UGT1A4: variants seen among roughly 807,000 people sequenced by gnomAD.
The protein encoded by UGT1A4 is UDP-glucuronosyltransferase 1A4.
A neutral mutation model predicts 41.1 loss-of-function variants in UGT1A4; 32 were observed. The observed-to-expected ratio is 0.78, with a 90% confidence interval of 0.59 to 1.05. UGT1A4 has a LOEUF of 1.05. Ranked by LOEUF, UGT1A4 falls within the 50% of genes least tolerant of loss-of-function variation. The probability of loss-of-function intolerance (pLI) is 0.00; values close to 1 mark genes in which losing one functional copy is unlikely to be tolerated. For synonymous variants in UGT1A4, 283 were observed against 265.1 expected (o/e 1.07, Z -0.66); for missense variants, 748 against 677.4 (o/e 1.10, Z -1.16).
chr2:233,747,780 C>A, intron 1 of UGT1A4: 1 of 1,613,502 alleles, frequency 6.2e-7, no homozygotes, highest in South Asian at 1.1e-5. Flanking sequence ...GTGTCCAAAT[C>A]CTTCCTCCTA....
At chr2:233,747,961 G>A (rs529720964) in intron 1 of UGT1A4, 1 of 1,613,428 alleles carries the variant, frequency 6.2e-7, no homozygotes, top group South Asian at 1.1e-5. Context: ...GATCTTCTCA[G>A]CCATGCATCT....
Position 233,746,118 on chromosome 2 carries a change from A to C in UGT1A4, c.868-20916A>C, listed in dbSNP as rs544937305. On this transcript the variant is annotated intron_variant, in intron 1 of 4. Transcript: ENST00000373409. ...CATGTCCAGAGTGCTTACTGTCTGC[A>C]AAACTGTGGACTGGCACCTGAGTGA... 3.3e-4 allele frequency among the ~76,000 whole-genome samples: 50 copies of C among 151,986 alleles called. 2 individuals carry two copies. Among genetic ancestry groups the C allele is most frequent in the African/African-American group, 1.1e-3 (46 of 41,248 alleles).
At chr2:233,742,690 G>A (rs1692069965) in intron 1 of UGT1A4, 1 of 152,442 alleles carries the variant, frequency 6.6e-6, no homozygotes, top group African/African-American at 2.4e-5. Flanking sequence ...CCTTCAGAGG[G>A]AACATGCTTC....
chr2:233,758,001 G>A (rs1372978564), intron 1 of UGT1A4, among the ~76,000 whole-genome samples: 1 of 152,062 alleles, frequency 6.6e-6, no homozygotes, highest in Non-Finnish European at 1.5e-5. Context: ...TAATTGCCTG[G>A]TCATGAGTTT....
chr2:233,730,367 A>T (rs2078022058), intron 1 of UGT1A4, among the ~76,000 whole-genome samples: 1 of 152,122 alleles, frequency 6.6e-6, no homozygotes, highest in Admixed American at 6.5e-5. Context: ...TGCTAGCATG[A>T]TTTTCAGGGG....
chr2:233,756,036 T>G (rs1696097976), intron 1 of UGT1A4: 1 of 152,224 alleles, frequency 6.6e-6, no homozygotes, highest in Non-Finnish European at 1.5e-5. Context: ...CCATGTAGCT[T>G]CTGGAAAACT....
intron 1 of UGT1A4, among the ~76,000 whole-genome samples, chr2:233,723,789 T>G (rs1237220769): frequency 4.1e-5 from 2 of 49,208 alleles, no homozygotes; most frequent in Non-Finnish European, 6.9e-5. Flanking sequence ...TGCACCGCCC[T>G]TAATCCATTT....
chr2:233,752,761 A>G (rs1341964292), intron 1 of UGT1A4, among the ~76,000 whole-genome samples: 3 of 152,266 alleles, frequency 2.0e-5, no homozygotes, highest in African/African-American at 7.2e-5. Context: ...AAACAAACAA[A>G]CAAACAAACA....
chr2:233,772,573 A>C lies in UGT1A4; in HGVS notation c.*14A>C. 1.9e-6 allele frequency: 3 copies of C among 1,610,688 alleles called. No homozygotes were observed. Among genetic ancestry groups the C allele is most frequent in the Non-Finnish European group, 2.5e-6 (3 of 1,178,166 alleles). On this transcript the variant is annotated 3_prime_UTR_variant, in exon 5 of 5. Coordinates refer to ENST00000373409, the MANE Select transcript of UGT1A4 (RefSeq NM_007120.3). ...AAGACCCATTGAGAAGTGGGTGGGA[A>C]ATAAGGTAAAATTTTGAACCATTCC...
At chr2:233,721,327 T>A (rs1446598744) in intron 1 of UGT1A4, among the ~76,000 whole-genome samples, 1 of 152,156 alleles carries the variant, frequency 6.6e-6, no homozygotes, top group Admixed American at 6.5e-5. Flanking sequence ...TTCTTGTGGT[T>A]TTTCACTATG....
chr2:233,726,165 C>CA (rs1281871437), intron 1 of UGT1A4, among the ~76,000 whole-genome samples: 1 of 151,994 alleles, frequency 6.6e-6, no homozygotes, highest in Non-Finnish European at 1.5e-5. Context: ...GGCCCCATTT[C>CA]AAAAAAATAA....
chr2:233,738,480 A>T (rs981519178), intron 1 of UGT1A4, among the ~76,000 whole-genome samples: 1 of 152,194 alleles, frequency 6.6e-6, no homozygotes, highest in African/African-American at 2.4e-5. Flanking sequence ...CTTCCTGGAG[A>T]CTTGTTGAAC....
chr2:233,728,104 A>G (rs1180093047), intron 1 of UGT1A4, among the ~76,000 whole-genome samples: 1 of 152,120 alleles, frequency 6.6e-6, no homozygotes, highest in Admixed American at 6.5e-5. Flanking sequence ...CACATATTTA[A>G]TTCTCCATCT....
intron 1 of UGT1A4, among the ~76,000 whole-genome samples, chr2:233,764,664 G>A (rs1266153786): frequency 6.6e-6 from 1 of 152,094 alleles, no homozygotes; most frequent in African/African-American, 2.4e-5. Flanking sequence ...ATTTACCAAC[G>A]CTCAGAAGAA....
At chr2:233,729,603 A>G (rs7574296) in intron 1 of UGT1A4, 749,893 of 1,613,688 alleles carry the variant, frequency 0.46, 180,593 homozygotes, top group African/African-American at 0.76. Context: ...TCTGCGCGGC[A>G]GTGCTGGCTA....
chr2:233,761,272 T>C (rs1697733623), intron 1 of UGT1A4: 1 of 1,579,126 alleles, frequency 6.3e-7, no homozygotes, highest in African/African-American at 1.3e-5. Flanking sequence ...AATGCCCTCT[T>C]TTGTTAATTT....
rs370892808 is a variant in UGT1A4, at chr2:233,760,466, T to C, written c.868-6568T>C. The stretch of plus-strand genomic sequence containing the variant: ...CAGAGGGGACATGAAATAGTTGTCC[T>C]AGCACCTGACGCCTCGTTGTACATC... On this transcript the variant is annotated intron_variant, in intron 1 of 4. Transcript: ENST00000373409. The C allele has an allele frequency of 1.9e-6, 3 of 1,614,232 alleles. No homozygotes were observed. The highest frequency in any genetic ancestry group is 1.7e-6 in the Non-Finnish European group (2 of 1,180,032).
chr2:233,755,298 C>A, intron 1 of UGT1A4: 1 of 620,154 alleles, frequency 1.6e-6, no homozygotes. Flanking sequence ...CTGCGGGGCA[C>A]TGGCACAGCG....
At position 233,772,309 on chromosome 2, in the gene UGT1A4, CGGTG is replaced by C. The variant is rs768601491; in HGVS notation, c.1357_1360del (p.Val453SerfsTer13). On this transcript the variant is annotated frameshift_variant, in exon 5 of 5. Transcript: ENST00000373409. LOFTEE classifies it high-confidence loss of function. ...CTCTCCAGCCTTCACAAGGACCGCCCGGTGGAGCCGCTGGACCTGGCCGTGTTCT... is the reference window on the plus strand; with the variant it reads ...CTCTCCAGCCTTCACAAGGACCGCCCGAGCCGCTGGACCTGGCCGTGTTCT... 1.9e-6 allele frequency: 3 copies of C among 1,614,206 alleles called. No individual in the cohort carries two copies. The highest frequency in any genetic ancestry group is 2.5e-6 in the Non-Finnish European group (3 of 1,180,052).
Sources: gnomAD v4.1 joint callset for allele counts (sites outside exome capture counted in the v4.1 genomes callset) on GRCh38, gnomAD v4.1.1 for gene constraint, MANE v1.5 for transcripts, NCBI Gene and HGNC (gene_info 2026-07-23, HGNC 2026-07-21) for gene names.